TMPRSS11E: variants seen among roughly 807,000 people sequenced by gnomAD.
TMPRSS11E encodes transmembrane protease serine 11E.
TMPRSS11E carries 38 observed loss-of-function variants against 48.1 expected under a neutral mutation model. The observed-to-expected ratio is 0.79, with a 90% CI of 0.61 to 1.04. The LOEUF (loss-of-function observed/expected upper bound fraction) is 1.04, where lower values mean the gene tolerates loss of function less well. TMPRSS11E is among the 50% of genes least tolerant of loss of function. TMPRSS11E has a pLI of 0.00. For synonymous variants in TMPRSS11E, 158 were observed against 171.9 expected (o/e 0.92, Z 0.63); for missense variants, 530 against 510.8 (o/e 1.04, Z -0.36).
At chr4:68,480,354 T>C (rs1248169901) in intron 9 of TMPRSS11E, among the ~76,000 whole-genome samples, 1 of 152,130 alleles carries the variant, frequency 6.6e-6, no homozygotes, top group Non-Finnish European at 1.5e-5. Flanking sequence ...TGAGATTGGG[T>C]AATTTCAATG....
intron 3 of TMPRSS11E, among the ~76,000 whole-genome samples, chr4:68,467,253 A>G (rs1236274117): frequency 6.6e-6 from 1 of 152,074 alleles, no homozygotes; most frequent in Non-Finnish European, 1.5e-5. Flanking sequence ...AAAATATTTA[A>G]CCTTCAACTA....
chr4:68,449,081 C>A (rs10518054), intron 1 of TMPRSS11E, among the ~76,000 whole-genome samples: 1 of 151,184 alleles, frequency 6.6e-6, no homozygotes, highest in Non-Finnish European at 1.5e-5. Flanking sequence ...AGTCAGATTT[C>A]GGATAGCCTT....
chr4:68,464,038 C>T (rs1236608323), intron 2 of TMPRSS11E, among the ~76,000 whole-genome samples: 1 of 152,158 alleles, frequency 6.6e-6, no homozygotes, highest in African/African-American at 2.4e-5. Flanking sequence ...TAACCTGTTC[C>T]TGAATCCTGT....
At chr4:68,485,788 C>T (rs1400774747) in intron 9 of TMPRSS11E, among the ~76,000 whole-genome samples, 3 of 151,938 alleles carry the variant, frequency 2.0e-5, no homozygotes, top group Non-Finnish European at 4.4e-5. Context: ...CAGGGCCTTC[C>T]TTGTTGGCTG....
chr4:68,492,661 A>G (rs1470084669), intron 9 of TMPRSS11E, among the ~76,000 whole-genome samples: 1 of 152,222 alleles, frequency 6.6e-6, no homozygotes, highest in African/African-American at 2.4e-5. Context: ...AACAATGTAT[A>G]TTAAATAGAA....
chr4:68,451,804 T>A (rs1258618056), intron 1 of TMPRSS11E, among the ~76,000 whole-genome samples: 3 of 150,758 alleles, frequency 2.0e-5, no homozygotes, highest in African/African-American at 4.9e-5. Context: ...AGACAGGTAA[T>A]TTTTTTTTGC....
chr4:68,496,097 A>G (rs973775758), intron 9 of TMPRSS11E, among the ~76,000 whole-genome samples: 8 of 152,300 alleles, frequency 5.3e-5, no homozygotes, highest in African/African-American at 9.6e-5. Flanking sequence ...ACTGTCTTAC[A>G]TCATCTTCAT....
Position 68,471,439 on chromosome 4 carries a change from T to A in TMPRSS11E, c.327-21T>A. 6 of 1,298,450 alleles carry A rather than the reference T, an allele frequency of 4.6e-6. No homozygotes were observed. In the South Asian group the frequency reaches 1.3e-4, roughly 28 times the overall value. 80.4% of individuals were successfully genotyped at this position (1,298,450 alleles called of 1,614,324 possible). ...CTTCTTTTCTTTTCTTTCTTTCATTTTCTTCTTTTTTGGCCCACAGTCAAC... is the reference window on the plus strand; with the variant it reads ...CTTCTTTTCTTTTCTTTCTTTCATTATCTTCTTTTTTGGCCCACAGTCAAC... On this transcript the variant is annotated intron_variant, in intron 4 of 9. Coordinates refer to ENST00000305363, the MANE Select transcript of TMPRSS11E (RefSeq NM_014058.4).
Position 68,478,692 on chromosome 4 carries a change from C to T in TMPRSS11E, c.968-157C>T, listed in dbSNP as rs146940468. 7.6e-3 allele frequency among the ~76,000 whole-genome samples: 1,153 copies of T among 151,824 alleles called. 20 individuals are homozygous for T. The highest frequency in any genetic ancestry group is 0.026 in the African/African-American group (1,095 of 41,398). ...CTGGTCTTGAACTCCTGGCTTCAAG[C>T]GATCCTCCAATCTCGGCCTCTCAAA... On this transcript the variant is annotated intron_variant, in intron 8 of 9. Transcript: ENST00000305363.
intron 9 of TMPRSS11E, among the ~76,000 whole-genome samples, chr4:68,492,213 T>C (rs1339446653): frequency 2.0e-5 from 3 of 152,248 alleles, no homozygotes; most frequent in African/African-American, 7.2e-5. Context: ...AAAGATGACT[T>C]GAAAATATAC....
chr4:68,470,743 C>T (rs1729042703), intron 4 of TMPRSS11E, among the ~76,000 whole-genome samples: 1 of 151,822 alleles, frequency 6.6e-6, no homozygotes, highest in Non-Finnish European at 1.5e-5. Context: ...AAGTAGCTGG[C>T]AGGATGATTC....
At chr4:68,461,056 T>C (rs926973520) in intron 1 of TMPRSS11E, among the ~76,000 whole-genome samples, 10 of 152,100 alleles carry the variant, frequency 6.6e-5, no homozygotes, top group African/African-American at 9.7e-5. Context: ...AATTTTTTTG[T>C]ATTTTTAGTA....
intron 9 of TMPRSS11E, 90 bp from the exon 10 acceptor site, chr4:68,496,553 C>T (rs1384469758): frequency 1.6e-6 from 2 of 1,285,500 alleles, no homozygotes; most frequent in South Asian, 1.5e-5. Flanking sequence ...TGAAAATTAC[C>T]CCTTTCATTA....
intron 4 of TMPRSS11E, among the ~76,000 whole-genome samples, chr4:68,469,234 C>T (rs1214019264): frequency 6.6e-6 from 1 of 152,018 alleles, no homozygotes; most frequent in African/African-American, 2.4e-5. Context: ...ATAGACCTAA[C>T]ACACATCCTT....
intron 1 of TMPRSS11E, 113 bp from the exon 2 acceptor site, chr4:68,461,708 A>G: frequency 1.3e-6 from 2 of 1,512,074 alleles, no homozygotes; most frequent in African/African-American, 1.4e-5. Context: ...AAACCCAGAC[A>G]GTACACGACC....
Position 68,458,680 on chromosome 4 carries a change from G to C in TMPRSS11E, c.12-3141G>C, listed in dbSNP as rs550870048. On this transcript the variant is annotated intron_variant, in intron 1 of 9. Coordinates refer to ENST00000305363, the MANE Select transcript of TMPRSS11E (RefSeq NM_014058.4). ...ATCTAATTTGGAGGAATTCAGTATT[G>C]AATCACTTACTGAGAAAATAAAAAA... 2.6e-5 allele frequency among the ~76,000 whole-genome samples: 4 copies of C among 152,096 alleles called. No homozygotes were observed. In the East Asian group the frequency reaches 7.7e-4, roughly 29 times the overall value.
intron 9 of TMPRSS11E, among the ~76,000 whole-genome samples, chr4:68,485,352 G>A (rs1224049682): frequency 6.6e-6 from 1 of 152,034 alleles, no homozygotes; most frequent in African/African-American, 2.4e-5. Flanking sequence ...TTGCCATGTT[G>A]GTCAGGCTGG....
intron 1 of TMPRSS11E, among the ~76,000 whole-genome samples, chr4:68,460,599 CAGTT>C (rs573903587): frequency 2.4e-4 from 37 of 152,280 alleles, no homozygotes; most frequent in African/African-American, 8.2e-4. Flanking sequence ...ATGTAGCAGA[CAGTT>C]AGCACTCTAG....
intron 2 of TMPRSS11E, among the ~76,000 whole-genome samples, chr4:68,464,163 CT>C (rs1304222464): frequency 1.3e-5 from 2 of 152,176 alleles, no homozygotes; most frequent in African/African-American, 4.8e-5. Flanking sequence ...TTGTGACCTG[CT>C]TTCTGTTTTG....
Sources: gnomAD v4.1 joint callset for allele counts (sites outside exome capture counted in the v4.1 genomes callset) on GRCh38, gnomAD v4.1.1 for gene constraint, MANE v1.5 for transcripts, NCBI Gene and HGNC (gene_info 2026-07-23, HGNC 2026-07-21) for gene names.